The following PPFIA2 variants were observed in gnomAD, a reference collection of about 807,000 sequenced individuals.
PPFIA2 encodes the protein PPFI scaffold protein A2.
PPFIA2 carries 46 observed loss-of-function variants against 175.5 expected under a neutral mutation model. The ratio of observed to expected loss-of-function variants is 0.26; its 90% CI spans 0.21 to 0.34. The LOEUF (loss-of-function observed/expected upper bound fraction) is 0.34. Among genes scored for constraint, PPFIA2 ranks in the 10% least tolerant of loss-of-function variants. The pLI, the probability that PPFIA2 is intolerant of heterozygous loss-of-function variation, is 1.00. For synonymous variants in PPFIA2, 568 were observed against 511.4 expected (o/e 1.11, Z -1.49); for missense variants, 1,179 against 1,506.1 (o/e 0.78, Z 3.60).
chr12:81,348,564 CG>C (rs2059461910), intron 17 of PPFIA2, among the ~76,000 whole-genome samples: 1 of 151,776 alleles, frequency 6.6e-6, no homozygotes, highest in South Asian at 2.1e-4. Flanking sequence ...GGTGAAACCC[CG>C]TCTCTACTAA....
intron 4 of PPFIA2, among the ~76,000 whole-genome samples, chr12:81,509,807 C>T (rs1304636552): frequency 6.6e-6 from 1 of 152,058 alleles, no homozygotes; most frequent in Non-Finnish European, 1.5e-5. Flanking sequence ...AAATGTTCTC[C>T]TTTTTCCCTG....
intron 18 of PPFIA2, among the ~76,000 whole-genome samples, chr12:81,346,729 A>G (rs1053357316): frequency 4.6e-5 from 7 of 151,730 alleles, no homozygotes; most frequent in Non-Finnish European, 8.8e-5. Context: ...GGCTCTTAAC[A>G]CAAATAATGC....
intron 4 of PPFIA2, among the ~76,000 whole-genome samples, chr12:81,542,099 T>C (rs956454153): frequency 6.6e-6 from 1 of 152,150 alleles, no homozygotes; most frequent in South Asian, 2.1e-4. Flanking sequence ...AAATATGTGA[T>C]TTAACTAAGA....
intron 21 of PPFIA2, among the ~76,000 whole-genome samples, chr12:81,329,675 C>T (rs374099907): frequency 1.3e-5 from 2 of 152,158 alleles, no homozygotes; most frequent in East Asian, 3.9e-4. Flanking sequence ...TCACTAGGCT[C>T]CCTGGGGCAT....
At chr12:81,549,286 C>T (rs1379552046) in intron 4 of PPFIA2, among the ~76,000 whole-genome samples, 1 of 151,932 alleles carries the variant, frequency 6.6e-6, no homozygotes, top group East Asian at 1.9e-4. Context: ...ATATCAGTCA[C>T]TATTATTCAT....
In PPFIA2 at chr12:81,671,315, C is replaced by T. The variant is rs527854101; in HGVS notation, c.303+5476G>A. 1.1e-4 allele frequency among the ~76,000 whole-genome samples: 17 copies of T among 151,994 alleles called. No homozygotes were observed. In the South Asian group the frequency reaches 2.7e-3, roughly 24 times the overall value. On this transcript the variant is annotated intron_variant, in intron 4 of 32. Coordinates refer to ENST00000549396, the MANE Select transcript of PPFIA2 (RefSeq NM_003625.5). ...ACCATGTTCTCAGTATCTCATGAGTCAATCCATTCTTCTCCATTCTTGTTG... is the reference window on the plus strand; with the variant it reads ...ACCATGTTCTCAGTATCTCATGAGTTAATCCATTCTTCTCCATTCTTGTTG...
intron 5 of PPFIA2, among the ~76,000 whole-genome samples, chr12:81,446,723 T>C (rs1035144186): frequency 1.3e-5 from 2 of 152,122 alleles, no homozygotes; most frequent in African/African-American, 4.8e-5. Context: ...AAAACAGATA[T>C]AAGACACTGA....
At chr12:81,422,112 G>T (rs1025356175) in intron 7 of PPFIA2, among the ~76,000 whole-genome samples, 1 of 144,994 alleles carries the variant, frequency 6.9e-6, no homozygotes, top group Non-Finnish European at 1.5e-5. Context: ...GTATATATAT[G>T]TGTATATATA....
At position 81,261,943 on chromosome 12, in the gene PPFIA2, A is replaced by G; in HGVS notation, c.*33+6T>C. 6.4e-7 allele frequency: 1 copy of G among 1,559,762 alleles called. No individual in the cohort carries two copies. Among genetic ancestry groups the G allele is most frequent in the Non-Finnish European group, 8.7e-7 (1 of 1,145,870 alleles). Reference sequence around the variant, plus strand: ...TTTTTTTGTCAGCCAAAGGGAAACTACTCACAGCAGGTCAGTGCTGCCTCC... The same window carrying G: ...TTTTTTTGTCAGCCAAAGGGAAACTGCTCACAGCAGGTCAGTGCTGCCTCC... On this transcript the variant is annotated splice_donor_region_variant and intron_variant, in intron 32 of 32. Coordinates refer to ENST00000549396, the MANE Select transcript of PPFIA2 (RefSeq NM_003625.5).
At chr12:81,630,796 CT>C (rs1442501792) in intron 4 of PPFIA2, among the ~76,000 whole-genome samples, 6 of 150,390 alleles carry the variant, frequency 4.0e-5, no homozygotes, top group Non-Finnish European at 7.4e-5. Context: ...TAAATTTTTT[CT>C]ATATAATTGC....
chr12:81,512,379 C>A, intron 4 of PPFIA2: 1 of 1,286,952 alleles, frequency 7.8e-7, no homozygotes, highest in South Asian at 1.2e-5. Context: ...ATTCTCTGAG[C>A]ATTCTACCTT....
At chr12:81,341,673 AT>A (rs1156929043) in intron 19 of PPFIA2, among the ~76,000 whole-genome samples, 4 of 152,158 alleles carry the variant, frequency 2.6e-5, no homozygotes, top group Non-Finnish European at 5.9e-5. Flanking sequence ...AAGCCAAAAG[AT>A]TAGACACTGC....
At chr12:81,622,908 A>G (rs953314618) in intron 4 of PPFIA2, among the ~76,000 whole-genome samples, 1 of 152,184 alleles carries the variant, frequency 6.6e-6, no homozygotes, top group Admixed American at 6.5e-5. Context: ...GAAAGGTAGG[A>G]AAGTTATAGT....
At chr12:81,408,365 T>G (rs2043297104) in intron 7 of PPFIA2, among the ~76,000 whole-genome samples, 1 of 152,192 alleles carries the variant, frequency 6.6e-6, no homozygotes, top group Non-Finnish European at 1.5e-5. Flanking sequence ...ACAGAAATGC[T>G]AATACAAAGT....
chr12:81,460,572 C>T (rs918152226), intron 4 of PPFIA2, among the ~76,000 whole-genome samples: 1 of 152,064 alleles, frequency 6.6e-6, no homozygotes, highest in Non-Finnish European at 1.5e-5. Flanking sequence ...CAAGTTTGTT[C>T]TATGTATCTG....
chr12:81,403,437 A>G (rs532237744), intron 8 of PPFIA2, among the ~76,000 whole-genome samples: 1 of 152,306 alleles, frequency 6.6e-6, no homozygotes, highest in East Asian at 1.9e-4. Flanking sequence ...GCATATTCAA[A>G]TATTTAGTGG....
At chr12:81,676,892 A>C (rs1423980947) in intron 3 of PPFIA2, 48 bp from the exon 4 acceptor site, 1 of 1,326,538 alleles carries the variant, frequency 7.5e-7, no homozygotes, top group South Asian at 1.4e-5. Context: ...CAACAGCATG[A>C]AGAATCCCCC....
chr12:81,476,425 C>T (rs1174899886), intron 4 of PPFIA2, among the ~76,000 whole-genome samples: 1 of 152,114 alleles, frequency 6.6e-6, no homozygotes, highest in Non-Finnish European at 1.5e-5. Flanking sequence ...AGAATCATCC[C>T]TGAAAATTTG....
At chr12:81,678,337 CCCCTT>C (rs2072973681) in intron 3 of PPFIA2, among the ~76,000 whole-genome samples, 1 of 151,724 alleles carries the variant, frequency 6.6e-6, no homozygotes, top group African/African-American at 2.4e-5. Flanking sequence ...AGATGATTTT[CCCCTT>C]ATATTGAAAA....
Sources: gnomAD v4.1 joint callset for allele counts (sites outside exome capture counted in the v4.1 genomes callset) on GRCh38, gnomAD v4.1.1 for gene constraint, MANE v1.5 for transcripts, NCBI Gene and HGNC (gene_info 2026-07-23, HGNC 2026-07-21) for gene names.